SMYD3: variants seen among roughly 807,000 people sequenced by gnomAD.
SMYD3 encodes histone-lysine N-methyltransferase SMYD3.
In SMYD3, 36 loss-of-function variants were observed where a neutral mutation model predicts 57.7. The ratio of observed to expected loss-of-function variants is 0.62; its 90% CI spans 0.48 to 0.82. The LOEUF is 0.82. SMYD3 is among the 40% of genes least tolerant of loss of function. The pLI is 0.00. For synonymous variants in SMYD3, 211 were observed against 195.0 expected, an observed-to-expected ratio of 1.08 and a Z score of -0.68; for missense variants, 515 against 538.8, an observed-to-expected ratio of 0.96 and a Z score of 0.44.
At chr1:246,144,166 A>G (rs895544072) in intron 5 of SMYD3, among the ~76,000 whole-genome samples, 4 of 152,194 alleles carry the variant, frequency 2.6e-5, no homozygotes, top group African/African-American at 9.7e-5. Context: ...CCAGAGGACT[A>G]CTAAAGATCG....
At chr1:245,928,458 G>C (rs1408805125) in intron 6 of SMYD3, among the ~76,000 whole-genome samples, 1 of 151,986 alleles carries the variant, frequency 6.6e-6, no homozygotes, top group Non-Finnish European at 1.5e-5. Context: ...GATCATTTGA[G>C]GCCAGCAGTT....
intron 10 of SMYD3, among the ~76,000 whole-genome samples, chr1:245,835,974 T>C (rs973663727): frequency 5.3e-5 from 8 of 152,120 alleles, no homozygotes; most frequent in Admixed American, 3.3e-4. Context: ...CTCTCTCTGC[T>C]CTCAGAGAGG....
At chr1:246,359,337 A>C (rs1369068697) in intron 1 of SMYD3, among the ~76,000 whole-genome samples, 1 of 152,196 alleles carries the variant, frequency 6.6e-6, no homozygotes, top group Non-Finnish European at 1.5e-5. Context: ...ATTGCCAACA[A>C]GAAAAGTCTA....
chr1:245,921,645 A>T (rs537748078), intron 7 of SMYD3, among the ~76,000 whole-genome samples: 1 of 151,984 alleles, frequency 6.6e-6, no homozygotes, highest in South Asian at 2.1e-4. Context: ...GAATGCAGCT[A>T]GTGGCCATTC....
At chr1:245,920,164 T>C (rs1219814955) in intron 7 of SMYD3, among the ~76,000 whole-genome samples, 1 of 151,888 alleles carries the variant, frequency 6.6e-6, no homozygotes, top group East Asian at 1.9e-4. Context: ...ATACAAAAAA[T>C]TAGCCAGGCG....
intron 2 of SMYD3, among the ~76,000 whole-genome samples, chr1:246,348,419 A>G (rs998949860): frequency 6.6e-6 from 1 of 151,868 alleles, no homozygotes; most frequent in African/African-American, 2.4e-5. Context: ...CTGTCTCGGA[A>G]AAAAAAATAT....
chr1:245,893,759 A>ATGG (rs3052907), intron 8 of SMYD3, among the ~76,000 whole-genome samples: 151,175 of 151,812 alleles, frequency 1, 75,274 homozygotes, highest in Middle Eastern at 1. Context: ...CTCTATCTTG[A>ATGG]TGGTGGTGGT....
intron 5 of SMYD3, among the ~76,000 whole-genome samples, chr1:246,007,227 ACT>A (rs1477199100): frequency 1.3e-5 from 2 of 152,000 alleles, no homozygotes; most frequent in East Asian, 3.9e-4. Flanking sequence ...AGAAAGCAAG[ACT>A]CTGAAGCATG....
chr1:246,497,696 AT>A (rs1202849611), intron 1 of SMYD3, among the ~76,000 whole-genome samples: 1 of 152,002 alleles, frequency 6.6e-6, no homozygotes, highest in Non-Finnish European at 1.5e-5. Flanking sequence ...CTAAAAAAAA[AT>A]TTTCTTTTAA....
intron 5 of SMYD3, among the ~76,000 whole-genome samples, chr1:246,260,011 T>C (rs2063974376): frequency 6.6e-6 from 1 of 152,046 alleles, no homozygotes; most frequent in African/African-American, 2.4e-5. Context: ...ATAAAAGGGG[T>C]AGGGTGACTC....
chr1:246,143,126 T>TACACACACACACAC (rs370332515), intron 5 of SMYD3, among the ~76,000 whole-genome samples: 5 of 146,112 alleles, frequency 3.4e-5, no homozygotes, highest in Admixed American at 1.4e-4. Context: ...GTATATTTAA[T>TACACACACACACAC]ACACACACAC....
At chr1:245,973,506 AT>A (rs2148036164) in intron 5 of SMYD3, among the ~76,000 whole-genome samples, 1 of 152,374 alleles carries the variant, frequency 6.6e-6, no homozygotes, top group Admixed American at 6.5e-5. Flanking sequence ...CACAAAAAAA[AT>A]CAAATGAAAA....
chr1:246,339,122 AG>A (rs2065589647), intron 2 of SMYD3, among the ~76,000 whole-genome samples: 1 of 152,224 alleles, frequency 6.6e-6, no homozygotes, highest in Non-Finnish European at 1.5e-5. Flanking sequence ...GGTAAATCAA[AG>A]GAAGACTGTA....
chr1:245,818,013 C>G (rs1572426073), intron 10 of SMYD3, among the ~76,000 whole-genome samples: 1 of 152,098 alleles, frequency 6.6e-6, no homozygotes, highest in African/African-American at 2.4e-5. Context: ...TCTAGCAAGG[C>G]AGGCCAACAT....
chr1:246,066,514 T>C (rs977610251), intron 5 of SMYD3, among the ~76,000 whole-genome samples: 1 of 152,196 alleles, frequency 6.6e-6, no homozygotes, highest in Non-Finnish European at 1.5e-5. Context: ...TAAGTACAGA[T>C]TGAAACTATC....
chr1:246,403,131 G>A (rs1240272372), intron 1 of SMYD3, among the ~76,000 whole-genome samples: 1 of 152,080 alleles, frequency 6.6e-6, no homozygotes, highest in Admixed American at 6.6e-5. Context: ...TGGACTACAT[G>A]GCTTTTTTAG....
intron 5 of SMYD3, among the ~76,000 whole-genome samples, chr1:245,980,739 C>T (rs1372479774): frequency 6.6e-6 from 1 of 152,248 alleles, no homozygotes; most frequent in Admixed American, 6.5e-5. Context: ...TGGCTGCCGA[C>T]GTTGACTGGA....
At chr1:246,210,561 T>G (rs2063069112) in intron 5 of SMYD3, among the ~76,000 whole-genome samples, 1 of 151,716 alleles carries the variant, frequency 6.6e-6, no homozygotes. Context: ...AATGCAAAAA[T>G]TAGCTGGGCG....
intron 5 of SMYD3, among the ~76,000 whole-genome samples, chr1:246,263,298 ACTGTG>A (rs1221578343): frequency 6.6e-6 from 1 of 152,122 alleles, no homozygotes; most frequent in Non-Finnish European, 1.5e-5. Context: ...AACAGCATCT[ACTGTG>A]CACTCAGAGA....
Sources: allele counts gnomAD v4.1 joint callset (sites outside exome capture counted in the v4.1 genomes callset), GRCh38; gene constraint gnomAD v4.1.1; transcripts MANE v1.5; gene names NCBI Gene and HGNC (gene_info 2026-07-23, HGNC 2026-07-21).